The following HMSD variants were observed in gnomAD, a reference collection of about 807,000 sequenced individuals.
HMSD encodes histocompatibility minor serpin domain containing.
HMSD carries 13 observed loss-of-function variants against 10.0 expected under a neutral mutation model. The observed-to-expected ratio is 1.31, with a 90% CI of 0.85 to 2.08. The LOEUF (loss-of-function observed/expected upper bound fraction) is 2.08. Ranked by LOEUF, HMSD falls within the 30% of genes most tolerant of loss-of-function variation. The pLI is 0.00. For missense variants in HMSD, 169 were observed against 166.3 expected, an observed-to-expected ratio of 1.02 and a Z score of -0.09; for synonymous variants, 51 against 54.2, an observed-to-expected ratio of 0.94 and a Z score of 0.26.
intron 3 of HMSD, 89 bp downstream of exon 3, chr18:63,954,646 G>C (rs978280719): frequency 8.7e-7 from 1 of 1,150,152 alleles, no homozygotes; most frequent in Non-Finnish European, 1.3e-6. Context: ...CCTGCAGGTG[G>C]TCCTGAACTC....
chr18:63,950,415 C>CAAAAAAAAAAAA lies in HMSD; in HGVS notation c.-103+1031_-103+1042dup, dbSNP rs562421091. Among the ~76,000 whole-genome samples the CAAAAAAAAAAAA allele has an allele frequency of 3.3e-3, 129 of 39,064 alleles. 7 individuals are homozygous for CAAAAAAAAAAAA. Among genetic ancestry groups the CAAAAAAAAAAAA allele is most frequent in the African/African-American group, 5.2e-3 (79 of 15,332 alleles). The allele number at this position is 39,064 out of a possible 152,430, so 25.6% of individuals were successfully genotyped here. On this transcript the variant is annotated intron_variant, in intron 1 of 3. Coordinates refer to ENST00000408945, the MANE Select transcript of HMSD (RefSeq NM_001123366.2). ...TGAGGGACAAAGCGAGACTCTCTCT[C>CAAAAAAAAAAAA]AAAAAAAAAAAAAAAAAAAAAAAAA...
At chr18:63,951,422 AC>A (rs2050329800) in intron 1 of HMSD, among the ~76,000 whole-genome samples, 1 of 152,230 alleles carries the variant, frequency 6.6e-6, no homozygotes, top group African/African-American at 2.4e-5. Flanking sequence ...AATCTTACAG[AC>A]TAAATAAACC....
At chr18:63,952,428 A>T (rs979380413) in intron 1 of HMSD, among the ~76,000 whole-genome samples, 1 of 152,178 alleles carries the variant, frequency 6.6e-6, no homozygotes, top group Non-Finnish European at 1.5e-5. Flanking sequence ...ATATAAATAA[A>T]ATTAGAATTA....
chr18:63,962,301 C>T (rs2050390386), downstream of HMSD, among the ~76,000 whole-genome samples: 1 of 152,212 alleles, frequency 6.6e-6, no homozygotes, highest in African/African-American at 2.4e-5. Flanking sequence ...AAGCCTGGTA[C>T]ATCCAGAAAA....
chr18:63,953,431 A>C lies in HMSD; in HGVS notation c.-25A>C. The C allele has an allele frequency of 5.6e-6, 9 of 1,604,904 alleles. No homozygotes were observed. Among genetic ancestry groups the C allele is most frequent in the Non-Finnish European group, 7.7e-6 (9 of 1,172,874 alleles). On this transcript the variant is annotated 5_prime_UTR_variant, in exon 2 of 4. Transcript: ENST00000408945. ...CTTTTGAAAAAGCTAGGGGAAAACA[A>C]CTCAAACAACTTATTTTTTTCCCCA...
rs752801568 is a variant in HMSD, at chr18:63,953,418, C to T, written c.-38C>T. 6.4e-7 allele frequency: 1 copy of T among 1,556,032 alleles called. No individual in the cohort carries two copies. Among genetic ancestry groups the T allele is most frequent in the Non-Finnish European group, 8.8e-7 (1 of 1,130,336 alleles). ...ATTTGCATTAAACCTTTTGAAAAAGCTAGGGGAAAACAACTCAAACAACTT... is the reference window on the plus strand; with the variant it reads ...ATTTGCATTAAACCTTTTGAAAAAGTTAGGGGAAAACAACTCAAACAACTT... On this transcript the variant is annotated 5_prime_UTR_variant, in exon 2 of 4. Coordinates refer to ENST00000408945, the MANE Select transcript of HMSD (RefSeq NM_001123366.2).
At position 63,961,579 on chromosome 18, in the gene HMSD, T is replaced by A. The variant is rs1314563439; in HGVS notation, c.*1224T>A. On this transcript the variant is annotated 3_prime_UTR_variant, in exon 4 of 4. Coordinates refer to ENST00000408945, the MANE Select transcript of HMSD (RefSeq NM_001123366.2). Reference sequence around the variant, plus strand: ...AGGCTCTTCCCCCTTCTAAGTTCCCTTACCAGGCAGTCAGCTGTACCCTCC... The same window carrying A: ...AGGCTCTTCCCCCTTCTAAGTTCCCATACCAGGCAGTCAGCTGTACCCTCC... 2 of 152,338 alleles carry A rather than the reference T, an allele frequency of 1.3e-5. No individual in the cohort carries two copies. The highest frequency in any genetic ancestry group is 4.8e-5 in the African/African-American group (2 of 41,444). 9.4% of individuals were successfully genotyped at this position (152,338 alleles called of 1,614,324 possible).
At chr18:63,959,005 AAG>A (rs1440026504) in intron 3 of HMSD, among the ~76,000 whole-genome samples, 2 of 152,184 alleles carry the variant, frequency 1.3e-5, no homozygotes, top group African/African-American at 2.4e-5. Context: ...AAGAAAAAAA[AAG>A]AATTTATTTT....
chr18:63,954,271 A>G lies in HMSD; in HGVS notation c.73-137A>G, dbSNP rs77865622. ...CAGGGTTGCTTTTGAGACACTCTCT[A>G]TCTTTTATTAGATTGATCATCTTTT... On this transcript the variant is annotated intron_variant, in intron 2 of 3. Transcript: ENST00000408945. 3.1e-3 allele frequency: 2,064 copies of G among 661,050 alleles called. 20 individuals carry two copies. Among genetic ancestry groups the G allele is most frequent in the African/African-American group, 0.021 (1,139 of 55,146 alleles). The allele number at this position is 661,050 out of a possible 1,614,324, so 40.9% of individuals were successfully genotyped here. A position where few individuals can be genotyped will look rare whatever the true frequency, so the allele number is the denominator to read the frequency against.
chr18:63,956,123 A>G (rs2050356793), intron 3 of HMSD, among the ~76,000 whole-genome samples: 1 of 152,158 alleles, frequency 6.6e-6, no homozygotes, highest in Non-Finnish European at 1.5e-5. Flanking sequence ...AGATTGCTCT[A>G]CGCCCTCCTA....
chr18:63,955,325 T>G (rs549653513), intron 3 of HMSD, among the ~76,000 whole-genome samples: 1 of 152,320 alleles, frequency 6.6e-6, no homozygotes, highest in East Asian at 1.9e-4. Flanking sequence ...TGTCTGGTAT[T>G]CCTAAGTATG....
At chr18:63,966,914 G>T (rs1412441744) in intron 3 of HMSD, 2 of 152,166 alleles carry the variant, frequency 1.3e-5, no homozygotes, top group African/African-American at 4.8e-5. Context: ...TCTTTCAAAT[G>T]CTTACATTTT....
chr18:63,950,044 G>T (rs190667176), intron 1 of HMSD, among the ~76,000 whole-genome samples: 83 of 152,256 alleles, frequency 5.5e-4, no homozygotes, highest in African/African-American at 2.0e-3. Flanking sequence ...ATTTGCTCAA[G>T]AACAAAAACC....
chr18:63,960,126 A>G (rs777425464), intron 3 of HMSD, 32 bp from the exon 4 acceptor site: 16 of 1,589,578 alleles, frequency 1.0e-5, no homozygotes, highest in Non-Finnish European at 1.3e-5. Flanking sequence ...TTGTTTCTGT[A>G]GCTGTGAAAT....
rs781147043 is a variant in HMSD at position 63,961,248 on chromosome 18, T to C, written c.*893T>C. ...TGAGGATAATCAAATCATTTCAATA[T>C]GAATTATGAAAATGAATGATAATGG... On this transcript the variant is annotated 3_prime_UTR_variant, in exon 4 of 4. Coordinates refer to ENST00000408945, the MANE Select transcript of HMSD (RefSeq NM_001123366.2). 6.6e-6 allele frequency: 1 copy of C among 151,846 alleles called. No individual in the cohort carries two copies. The highest frequency in any genetic ancestry group is 1.5e-5 in the Non-Finnish European group (1 of 67,978). The allele number at this position is 151,846 out of a possible 1,614,324, so 9.4% of individuals were successfully genotyped here. A position where few individuals can be genotyped will look rare whatever the true frequency, so the allele number is the denominator to read the frequency against.
At chr18:63,968,140 T>A (rs1432451063) in intron 3 of HMSD, 2 of 152,294 alleles carry the variant, frequency 1.3e-5, no homozygotes, top group African/African-American at 4.8e-5. Context: ...CTCAAGGCCA[T>A]GTCCTCCTCT....
At chr18:63,955,947 G>T (rs770373976) in intron 3 of HMSD, among the ~76,000 whole-genome samples, 1 of 152,166 alleles carries the variant, frequency 6.6e-6, no homozygotes, top group South Asian at 2.1e-4. Flanking sequence ...TGTCCCCACC[G>T]CATTTCCCCA....
At chr18:63,969,009 T>G (rs1368565437) in intron 3 of HMSD, among the ~76,000 whole-genome samples, 2 of 152,188 alleles carry the variant, frequency 1.3e-5, no homozygotes, top group African/African-American at 4.8e-5. Context: ...TGGTTTGGGG[T>G]GCAGAGTGGG....
intron 3 of HMSD, 75 bp downstream of exon 3, chr18:63,954,632 A>C (rs548511753): frequency 3.1e-6 from 4 of 1,307,876 alleles, no homozygotes; most frequent in Non-Finnish European, 4.3e-6. Flanking sequence ...ATGGGCTATG[A>C]ATTCCTGCAG....
Sources: gnomAD v4.1 joint callset for allele counts (sites outside exome capture counted in the v4.1 genomes callset) on GRCh38, gnomAD v4.1.1 for gene constraint, MANE v1.5 for transcripts, NCBI Gene and HGNC (gene_info 2026-07-23, HGNC 2026-07-21) for gene names.